PLEKHB2: variants seen among roughly 807,000 people sequenced by gnomAD.
The protein encoded by PLEKHB2 is pleckstrin homology domain containing B2, also known as pleckstrin homology domain-containing family B member 2.
A neutral mutation model predicts 36.5 loss-of-function variants in PLEKHB2; 31 were observed. That is an observed-to-expected ratio of 0.85 (90% CI 0.64 to 1.15). The LOEUF is 1.15. Ranked by LOEUF, PLEKHB2 falls within the 50% of genes most tolerant of loss-of-function variation. The pLI is 0.00. For synonymous variants in PLEKHB2, 119 were observed against 112.0 expected (o/e 1.06, Z -0.39); for missense variants, 262 against 295.3 (o/e 0.89, Z 0.83).
intron 4 of PLEKHB2, among the ~76,000 whole-genome samples, chr2:131,129,424 A>G (rs1697438614): frequency 6.6e-6 from 1 of 152,082 alleles, no homozygotes; most frequent in Non-Finnish European, 1.5e-5. Context: ...AGAATAAAAC[A>G]TAAAAGGAAT....
intron 1 of PLEKHB2, among the ~76,000 whole-genome samples, chr2:131,117,704 T>C (rs1223520161): frequency 6.6e-6 from 1 of 152,152 alleles, no homozygotes; most frequent in Non-Finnish European, 1.5e-5. Context: ...CGTGAATGCG[T>C]ACGTGCTTTG....
At chr2:131,125,668 G>T in intron 2 of PLEKHB2, 85 bp from the exon 3 acceptor site, 1 of 1,096,282 alleles carries the variant, frequency 9.1e-7, no homozygotes. Context: ...TCATGTTTGT[G>T]AATAGCCACT....
At chr2:131,120,510 A>G in intron 1 of PLEKHB2, 1 of 185,242 alleles carries the variant, frequency 5.4e-6, no homozygotes, top group Non-Finnish European at 1.1e-5. Context: ...TGACCTGGCC[A>G]CTCCACGTCA....
intron 1 of PLEKHB2, chr2:131,107,392 C>CT (rs1694845628): frequency 6.6e-6 from 1 of 152,236 alleles, no homozygotes; most frequent in Admixed American, 6.5e-5. Flanking sequence ...CTGGAAATGG[C>CT]CAATGCCACG....
intron 2 of PLEKHB2, among the ~76,000 whole-genome samples, chr2:131,123,394 G>C (rs112310713): frequency 0.02 from 2,972 of 152,300 alleles, 88 homozygotes; most frequent in African/African-American, 0.065. Context: ...TTGGGACCCA[G>C]TCCTGGCCTC....
At chr2:131,109,469 C>A (rs1225046693) in intron 1 of PLEKHB2, among the ~76,000 whole-genome samples, 2 of 151,962 alleles carry the variant, frequency 1.3e-5, no homozygotes, top group Non-Finnish European at 2.9e-5. Flanking sequence ...GCGGGTGGAT[C>A]CCCTGAGGTC....
At chr2:131,126,085 A>G (rs1697073379) in intron 3 of PLEKHB2, among the ~76,000 whole-genome samples, 180 bp downstream of exon 3, 1 of 152,170 alleles carries the variant, frequency 6.6e-6, no homozygotes, top group Non-Finnish European at 1.5e-5. Flanking sequence ...GTCGGGAAAT[A>G]TCAGTGTTCT....
At chr2:131,137,390 C>T (rs1698379703) in intron 6 of PLEKHB2, among the ~76,000 whole-genome samples, 1 of 152,236 alleles carries the variant, frequency 6.6e-6, no homozygotes, top group African/African-American at 2.4e-5. Context: ...TCCCTGTATC[C>T]TCACATGACC....
At chr2:131,141,639 C>CAAAAAAAAAAAAAAAAAAAAAAA (rs771541896) in intron 7 of PLEKHB2, among the ~76,000 whole-genome samples, 1 of 57,130 alleles carries the variant, frequency 1.8e-5, no homozygotes, top group African/African-American at 4.9e-5. Context: ...GACTCCGTCT[C>CAAAAAAAAAAAAAAAAAAAAAAA]AAAAAAAAAA....
chr2:131,127,369 C>T (rs988153132), intron 4 of PLEKHB2, among the ~76,000 whole-genome samples: 4 of 152,186 alleles, frequency 2.6e-5, no homozygotes, highest in African/African-American at 4.8e-5. Context: ...TGGCCTTCTT[C>T]GGCTGTGTCT....
intron 2 of PLEKHB2, among the ~76,000 whole-genome samples, chr2:131,124,090 C>T (rs1696846926): frequency 6.6e-6 from 1 of 152,068 alleles, no homozygotes; most frequent in Non-Finnish European, 1.5e-5. Flanking sequence ...GGTGATCCTT[C>T]CACTTCAGCC....
intron 2 of PLEKHB2, 117 bp downstream of exon 2, chr2:131,121,095 C>G (rs564055074): frequency 1.1e-6 from 1 of 894,518 alleles, no homozygotes; most frequent in African/African-American, 1.7e-5. Context: ...GTGCTATGGC[C>G]TTGAGTTTCC....
intron 7 of PLEKHB2, among the ~76,000 whole-genome samples, chr2:131,141,456 A>G (rs1167453288): frequency 5.3e-5 from 8 of 151,808 alleles, no homozygotes; most frequent in African/African-American, 9.7e-5. Flanking sequence ...TGGCTAACAC[A>G]GTGAAACCCC....
intron 7 of PLEKHB2, among the ~76,000 whole-genome samples, chr2:131,141,988 G>A (rs776542566): frequency 6.6e-6 from 1 of 152,162 alleles, no homozygotes; most frequent in South Asian, 2.1e-4. Flanking sequence ...CCCATGGGTG[G>A]CTGGACCCTC....
intron 1 of PLEKHB2, among the ~76,000 whole-genome samples, chr2:131,113,752 C>A (rs1172734412): frequency 6.6e-6 from 1 of 152,132 alleles, no homozygotes; most frequent in Non-Finnish European, 1.5e-5. Context: ...GGACTATATT[C>A]TTCTAAGTGT....
intron 7 of PLEKHB2, 89 bp from the exon 8 acceptor site, chr2:131,146,548 C>A: frequency 1.5e-6 from 2 of 1,357,858 alleles, no homozygotes; most frequent in Non-Finnish European, 2.0e-6. Flanking sequence ...GACAGCAGAT[C>A]CCTTTTGTGA....
intron 7 of PLEKHB2, among the ~76,000 whole-genome samples, chr2:131,141,173 G>A (rs903695136): frequency 1.3e-5 from 2 of 152,186 alleles, no homozygotes; most frequent in African/African-American, 4.8e-5. Context: ...GTTGTTGGTG[G>A]TTGCTTTGGC....
chr2:131,125,697 A>G, intron 2 of PLEKHB2, 56 bp from the exon 3 acceptor site: 1 of 1,491,122 alleles, frequency 6.7e-7, no homozygotes, highest in Middle Eastern at 1.9e-4. Context: ...ACTTGGGCGA[A>G]ATAGTAAGAC....
chr2:131,136,553 G>A (rs1235299467), intron 6 of PLEKHB2, among the ~76,000 whole-genome samples: 1 of 151,540 alleles, frequency 6.6e-6, no homozygotes, highest in Non-Finnish European at 1.5e-5. Flanking sequence ...CTAATATGGT[G>A]GATTATAGTG....
Sources: gnomAD v4.1 joint callset for allele counts (sites outside exome capture counted in the v4.1 genomes callset) on GRCh38, gnomAD v4.1.1 for gene constraint, MANE v1.5 for transcripts, NCBI Gene and HGNC (gene_info 2026-07-23, HGNC 2026-07-21) for gene names.